Variants in CTNNA2 observed in about 807,000 individuals in gnomAD.
The protein encoded by CTNNA2 is catenin alpha 2.
Under a neutral mutation model 101.0 loss-of-function variants are expected in CTNNA2, and 42 were observed. The observed-to-expected ratio is 0.42, with a 90% CI of 0.32 to 0.54. The LOEUF is 0.54. Ranked by LOEUF, CTNNA2 falls within the 20% of genes least tolerant of loss-of-function variation. CTNNA2 has a pLI of 0.14. For missense variants in CTNNA2, 871 were observed against 1,223.1 expected (o/e 0.71, Z 4.29); for synonymous variants, 450 against 456.4 (o/e 0.99, Z 0.18).
intron 9 of CTNNA2, among the ~76,000 whole-genome samples, chr2:80,454,717 G>A (rs1683812140): frequency 6.6e-6 from 1 of 152,308 alleles, no homozygotes; most frequent in East Asian, 1.9e-4. Flanking sequence ...GGCACACTTG[G>A]TCTCCCCAGG....
At chr2:79,743,056 C>T (rs181341284) in intron 2 of CTNNA2, among the ~76,000 whole-genome samples, 12 of 152,184 alleles carry the variant, frequency 7.9e-5, no homozygotes, top group Admixed American at 4.6e-4. Context: ...AAGCTAACTG[C>T]ATTTGGAACT....
intron 18 of CTNNA2, among the ~76,000 whole-genome samples, chr2:80,640,769 A>T (rs879493177): frequency 2.6e-5 from 4 of 151,724 alleles, no homozygotes; most frequent in African/African-American, 7.3e-5. Context: ...TTGTAGCAAA[A>T]TTTTTTTTTC....
chr2:79,387,984 C>A (rs144693728), intron 4 of CTNNA2, among the ~76,000 whole-genome samples: 3 of 152,028 alleles, frequency 2.0e-5, no homozygotes, highest in African/African-American at 7.2e-5. Flanking sequence ...AAGACATAGA[C>A]CCTGCATCTT....
intron 3 of CTNNA2, among the ~76,000 whole-genome samples, chr2:79,336,798 C>T (rs1677004365): frequency 6.6e-6 from 1 of 152,098 alleles, no homozygotes; most frequent in Non-Finnish European, 1.5e-5. Context: ...TTAAATGATA[C>T]ATTGCAAGGC....
At chr2:79,215,108 GAGTC>G (rs562799187) in intron 2 of CTNNA2, among the ~76,000 whole-genome samples, 27 of 152,180 alleles carry the variant, frequency 1.8e-4, no homozygotes, top group Non-Finnish European at 3.2e-4. Context: ...ATCTGGGAAG[GAGTC>G]AGTCAGAGCG....
At chr2:79,762,465 A>T (rs1246773144) in intron 3 of CTNNA2, among the ~76,000 whole-genome samples, 1 of 152,196 alleles carries the variant, frequency 6.6e-6, no homozygotes, top group Admixed American at 6.5e-5. Flanking sequence ...AAAAGGTGTA[A>T]TCCTAGAACA....
chr2:80,263,063 A>G (rs944276795), intron 7 of CTNNA2, among the ~76,000 whole-genome samples: 15 of 152,238 alleles, frequency 9.9e-5, no homozygotes, highest in African/African-American at 3.4e-4. Flanking sequence ...ATATTCTTTT[A>G]ACTGAGTGTA....
chr2:80,001,081 G>A (rs1280490552), intron 7 of CTNNA2, among the ~76,000 whole-genome samples: 3 of 152,106 alleles, frequency 2.0e-5, no homozygotes, highest in Non-Finnish European at 4.4e-5. Flanking sequence ...TCCTTGTTTT[G>A]ATTTGACTGC....
intron 5 of CTNNA2, among the ~76,000 whole-genome samples, chr2:79,871,135 C>T (rs554598028): frequency 8.3e-4 from 126 of 152,116 alleles, no homozygotes; most frequent in African/African-American, 2.9e-3. Flanking sequence ...TTTTTTAAAA[C>T]ATTTTGGGCC....
intron 2 of CTNNA2, among the ~76,000 whole-genome samples, chr2:79,723,516 C>G (rs1421039414): frequency 1.3e-5 from 2 of 152,184 alleles, no homozygotes; most frequent in African/African-American, 4.8e-5. Flanking sequence ...TGCATATACT[C>G]TGGTTCTATG....
At chr2:80,451,545 C>G (rs1683506542) in intron 9 of CTNNA2, among the ~76,000 whole-genome samples, 1 of 152,138 alleles carries the variant, frequency 6.6e-6, no homozygotes, top group African/African-American at 2.4e-5. Context: ...TGTGCACATC[C>G]TATAGCAGAT....
At chr2:80,024,347 T>C (rs757190205) in intron 7 of CTNNA2, among the ~76,000 whole-genome samples, 1 of 151,348 alleles carries the variant, frequency 6.6e-6, no homozygotes, top group Non-Finnish European at 1.5e-5. Context: ...TCACTGAGAG[T>C]AGAGGATTAG....
At chr2:80,027,972 C>CAAAAAAAAAAAAAA (rs1177032489) in intron 7 of CTNNA2, 8 of 19,824 alleles carry the variant, frequency 4.0e-4, no homozygotes, top group African/African-American at 6.4e-4. Context: ...GACCCTGTCT[C>CAAAAAAAAAAAAAA]AAAAAAAAAA....
chr2:79,243,659 AAGG>A (rs752001873), intron 2 of CTNNA2, among the ~76,000 whole-genome samples: 2 of 152,214 alleles, frequency 1.3e-5, no homozygotes, highest in Admixed American at 6.5e-5. Context: ...GCATTGTTTG[AAGG>A]AGAAGTGCAG....
intron 9 of CTNNA2, among the ~76,000 whole-genome samples, chr2:80,504,492 T>C (rs1688118411): frequency 6.6e-6 from 1 of 152,094 alleles, no homozygotes; most frequent in Non-Finnish European, 1.5e-5. Flanking sequence ...TTCCATACTC[T>C]AGGGGAGGGG....
At chr2:79,443,903 ACTCTCT>A (rs3979544) in intron 4 of CTNNA2, among the ~76,000 whole-genome samples, 6,593 of 141,698 alleles carry the variant, frequency 0.047, 363 homozygotes, top group African/African-American at 0.14. Flanking sequence ...TTGTATACAT[ACTCTCT>A]CTCTCTCTCT....
chr2:80,298,100 GAGAT>G, intron 7 of CTNNA2: 1 of 151,690 alleles, frequency 6.6e-6, no homozygotes, highest in East Asian at 1.9e-4. Flanking sequence ...TATATATACA[GAGAT>G]AGATTGAGAG....
At chr2:79,309,689 T>C (rs1676322992) in intron 2 of CTNNA2, among the ~76,000 whole-genome samples, 1 of 152,166 alleles carries the variant, frequency 6.6e-6, no homozygotes, top group African/African-American at 2.4e-5. Context: ...AGATTGGCTA[T>C]CTCTGGCTCC....
At chr2:80,404,152 T>C (rs1326085692) in intron 8 of CTNNA2, among the ~76,000 whole-genome samples, 1 of 152,210 alleles carries the variant, frequency 6.6e-6, no homozygotes, top group African/African-American at 2.4e-5. Flanking sequence ...TCCAGGAATT[T>C]ATCCATTTCT....
Sources: gnomAD v4.1 joint callset for allele counts (sites outside exome capture counted in the v4.1 genomes callset) on GRCh38, gnomAD v4.1.1 for gene constraint, MANE v1.5 for transcripts, NCBI Gene and HGNC (gene_info 2026-07-23, HGNC 2026-07-21) for gene names.